The following CACNG4 variants were observed in gnomAD, a reference collection of about 807,000 sequenced individuals.
CACNG4 encodes the protein voltage-dependent calcium channel gamma-4 subunit.
Under a neutral mutation model 22.9 loss-of-function variants are expected in CACNG4, and 8 were observed. The observed-to-expected ratio is 0.35, with a 90% CI of 0.21 to 0.63. The LOEUF is 0.63. Among genes scored for constraint, CACNG4 ranks in the 30% least tolerant of loss-of-function variants. The pLI is 0.72. For synonymous variants in CACNG4, 188 were observed against 191.9 expected, an observed-to-expected ratio of 0.98 and a Z score of 0.17; for missense variants, 357 against 455.4, an observed-to-expected ratio of 0.78 and a Z score of 1.97.
chr17:66,976,282 G>A (rs1186013326), intron 1 of CACNG4, among the ~76,000 whole-genome samples: 4 of 152,050 alleles, frequency 2.6e-5, no homozygotes, highest in African/African-American at 4.8e-5. Context: ...GGTTTGCTCG[G>A]CTGTCAAATT....
At chr17:67,000,686 T>G (rs929672669) in intron 1 of CACNG4, among the ~76,000 whole-genome samples, 1 of 152,146 alleles carries the variant, frequency 6.6e-6, no homozygotes, top group African/African-American at 2.4e-5. Flanking sequence ...AAGGCCACTT[T>G]GGGAGGGTGC....
intron 1 of CACNG4, among the ~76,000 whole-genome samples, chr17:66,995,167 G>A (rs111578361): frequency 1.9e-3 from 285 of 152,268 alleles, no homozygotes; most frequent in African/African-American, 6.5e-3. Flanking sequence ...GCCCCGGGTC[G>A]TGGCACCGTG....
At chr17:66,989,684 T>C (rs1478597427) in intron 1 of CACNG4, among the ~76,000 whole-genome samples, 1 of 151,520 alleles carries the variant, frequency 6.6e-6, no homozygotes, top group Non-Finnish European at 1.5e-5. Flanking sequence ...CCCATGCTGC[T>C]CTCCAAGAGG....
In CACNG4 at chr17:66,990,841, C is replaced by T. The variant is rs760622487; in HGVS notation, c.220+25710C>T. On this transcript the variant is annotated intron_variant, in intron 1 of 3. Coordinates refer to ENST00000262138, the MANE Select transcript of CACNG4 (RefSeq NM_014405.4). Reference sequence around the variant, plus strand: ...GACTACAGGCGCCCGCCACCATGCCCGGCTAATTTTTTGTATTTTTAGTAG... The same window carrying T: ...GACTACAGGCGCCCGCCACCATGCCTGGCTAATTTTTTGTATTTTTAGTAG... 1.4e-3 allele frequency among the ~76,000 whole-genome samples: 213 copies of T among 151,956 alleles called. 1 individual carries two copies. Among genetic ancestry groups the T allele is most frequent in the Middle Eastern group, 6.8e-3 (2 of 294 alleles).
intron 1 of CACNG4, among the ~76,000 whole-genome samples, chr17:67,010,816 C>T (rs2035463872): frequency 6.6e-6 from 1 of 152,064 alleles, no homozygotes; most frequent in Non-Finnish European, 1.5e-5. Flanking sequence ...GGGCCAGGTC[C>T]TGAGTAGTTC....
In CACNG4 at chr17:66,978,723, T is replaced by C. The variant is rs1037565015; in HGVS notation, c.220+13592T>C. Among the ~76,000 whole-genome samples, 65 of 152,248 alleles carry C rather than the reference T, an allele frequency of 4.3e-4. 3 individuals are homozygous for C. On this transcript the variant is annotated intron_variant, in intron 1 of 3. Coordinates refer to ENST00000262138, the MANE Select transcript of CACNG4 (RefSeq NM_014405.4). ...TTCCCCAGGGCGAGCACGCTGTCCC[T>C]GCCTCGCATCTGAGCCTTCGCCCGA...
At chr17:66,998,459 C>T (rs1164613928) in intron 1 of CACNG4, among the ~76,000 whole-genome samples, 3 of 152,216 alleles carry the variant, frequency 2.0e-5, no homozygotes, top group African/African-American at 4.8e-5. Flanking sequence ...CTGCCTCAAC[C>T]TCCCAAAGTG....
In CACNG4 at chr17:66,964,860, GGGCGGGCGCGGCGGGCCGGGCCGGCGGGC is replaced by G; in HGVS notation, c.-46_-18del. ...GAGCGGCGCGCGGAGGGAGGAGGGC[GGGCGGGCGCGGCGGGCCGGGCCGGCGGGC>G]GGCGGACTATGAGGCGCCCACCATG... is the stretch of plus-strand genomic sequence containing the variant. On this transcript the variant is annotated 5_prime_UTR_variant, in exon 1 of 4. Transcript: ENST00000262138. The G allele has an allele frequency of 8.6e-7, 1 of 1,166,850 alleles. No individual in the cohort carries two copies. Among genetic ancestry groups the G allele is most frequent in the Non-Finnish European group, 1.1e-6 (1 of 927,714 alleles). The allele number at this position is 1,166,850 out of a possible 1,614,324, so 72.3% of individuals were successfully genotyped here.
intron 1 of CACNG4, among the ~76,000 whole-genome samples, chr17:66,989,655 C>T (rs770620640): frequency 1.3e-5 from 2 of 151,584 alleles, no homozygotes; most frequent in Non-Finnish European, 2.9e-5. Flanking sequence ...GCCGAATTAA[C>T]CACGCTTCCG....
At chr17:66,973,187 C>A (rs557494405) in intron 1 of CACNG4, among the ~76,000 whole-genome samples, 1 of 150,316 alleles carries the variant, frequency 6.7e-6, no homozygotes, top group African/African-American at 2.4e-5. Context: ...TTGCACTGAG[C>A]TGAGAGCTCG....
At chr17:66,983,193 G>A (rs1265509038) in intron 1 of CACNG4, among the ~76,000 whole-genome samples, 1 of 152,146 alleles carries the variant, frequency 6.6e-6, no homozygotes, top group Non-Finnish European at 1.5e-5. Context: ...TCACAATGCA[G>A]CATGGATGGC....
chr17:67,012,672 G>A (rs575681959), intron 1 of CACNG4, among the ~76,000 whole-genome samples: 11 of 152,282 alleles, frequency 7.2e-5, no homozygotes, highest in African/African-American at 2.6e-4. Flanking sequence ...TTGCACGTGC[G>A]CGAGTGCAGA....
In CACNG4 at chr17:67,031,144, G is replaced by C; in HGVS notation, c.*140G>C. Reference sequence around the variant, plus strand: ...TCCCTGGCCTCCAGAGGTGGCGTGGGCTGGCTTTGCACGAAGGTTGTGCTG... The same window carrying C: ...TCCCTGGCCTCCAGAGGTGGCGTGGCCTGGCTTTGCACGAAGGTTGTGCTG... On this transcript the variant is annotated 3_prime_UTR_variant, in exon 4 of 4. Transcript: ENST00000262138. The surrounding 1 kb of genome is among the most constrained non-coding windows in gnomAD (Gnocchi z 4.0). 2 of 928,248 alleles carry C rather than the reference G, an allele frequency of 2.2e-6. No individual in the cohort carries two copies. Among genetic ancestry groups the C allele is most frequent in the Non-Finnish European group, 3.2e-6 (2 of 621,202 alleles). 57.5% of individuals were successfully genotyped at this position (928,248 alleles called of 1,614,324 possible).
chr17:67,013,786 C>G (rs2035480967), intron 1 of CACNG4, among the ~76,000 whole-genome samples: 1 of 148,560 alleles, frequency 6.7e-6, no homozygotes, highest in Non-Finnish European at 1.5e-5. Flanking sequence ...ACCTGGGTCA[C>G]AGAGTGAGAC....
intron 1 of CACNG4, among the ~76,000 whole-genome samples, chr17:66,991,046 T>C (rs903363851): frequency 1.3e-5 from 2 of 152,106 alleles, no homozygotes; most frequent in Non-Finnish European, 2.9e-5. Flanking sequence ...GAGGATTAGA[T>C]GAGTCAAACC....
At chr17:66,990,397 G>A (rs1169634852) in intron 1 of CACNG4, among the ~76,000 whole-genome samples, 2 of 152,092 alleles carry the variant, frequency 1.3e-5, no homozygotes, top group Non-Finnish European at 2.9e-5. Context: ...CTTATATTAC[G>A]TAATTGAATC....
chr17:66,976,374 C>A (rs552230071), intron 1 of CACNG4, among the ~76,000 whole-genome samples: 198 of 150,814 alleles, frequency 1.3e-3, no homozygotes, highest in African/African-American at 4.7e-3. Context: ...CTTCTCCCTC[C>A]ATCCTCCCCT....
chr17:66,994,547 C>A (rs910217979), intron 1 of CACNG4, among the ~76,000 whole-genome samples: 65 of 152,310 alleles, frequency 4.3e-4, no homozygotes, highest in African/African-American at 1.3e-3. Context: ...CCCTGGCCCC[C>A]CAGGGGCCCA....
At chr17:67,015,064 G>A (rs1387132312) in intron 1 of CACNG4, among the ~76,000 whole-genome samples, 1 of 152,042 alleles carries the variant, frequency 6.6e-6, no homozygotes, top group Non-Finnish European at 1.5e-5. Flanking sequence ...CACTCTCCAC[G>A]GGGCTGAAGA....
Sources: gnomAD v4.1 joint callset for allele counts (sites outside exome capture counted in the v4.1 genomes callset) on GRCh38, gnomAD v4.1.1 for gene constraint, Gnocchi (gnomAD v3.1) non-coding constraint, MANE v1.5 for transcripts, NCBI Gene and HGNC (gene_info 2026-07-23, HGNC 2026-07-21) for gene names.